Variants in PARVB observed in about 807,000 individuals in gnomAD.
PARVB encodes the protein parvin beta.
PARVB carries 46 observed loss-of-function variants against 47.0 expected under a neutral mutation model. The observed-to-expected ratio is 0.98, with a 90% CI of 0.77 to 1.25. The LOEUF is 1.25. Ranked by LOEUF, PARVB falls within the 50% of genes most tolerant of loss-of-function variation. PARVB has a pLI of 0.00. For synonymous variants in PARVB, 196 were observed against 196.3 expected (o/e 1.00, Z 0.01); for missense variants, 473 against 471.6 (o/e 1.00, Z -0.03).
intron 3 of PARVB, chr22:44,114,892 A>G (rs1203750116): frequency 1.6e-5 from 2 of 126,448 alleles, no homozygotes; most frequent in African/African-American, 6.8e-5. Flanking sequence ...ACACAGATAC[A>G]TTGTTACTAA....
chr22:44,075,610 C>G (rs1174662289), intron 1 of PARVB, among the ~76,000 whole-genome samples: 1 of 152,202 alleles, frequency 6.6e-6, no homozygotes, highest in African/African-American at 2.4e-5. Context: ...CCCTGTCTCC[C>G]TCTCACTCCT....
intron 1 of PARVB, among the ~76,000 whole-genome samples, chr22:44,043,293 A>C (rs2146921865): frequency 6.6e-6 from 1 of 152,340 alleles, no homozygotes; most frequent in South Asian, 2.1e-4. Context: ...TTTGGGGGTG[A>C]CGAAAATGTT....
chr22:44,029,682 G>A (rs981880102), intron 1 of PARVB, among the ~76,000 whole-genome samples: 3 of 151,666 alleles, frequency 2.0e-5, no homozygotes, highest in Non-Finnish European at 4.4e-5. Context: ...AGGCTGAAGC[G>A]GCAGATCACC....
At chr22:44,080,184 T>C (rs130318) in intron 1 of PARVB, among the ~76,000 whole-genome samples, 95,248 of 152,150 alleles carry the variant, frequency 0.63, 30,950 homozygotes, top group African/African-American at 0.81. Flanking sequence ...TGTTCCAGGC[T>C]TTTTGAAATT....
intron 12 of PARVB, among the ~76,000 whole-genome samples, chr22:44,167,032 G>A (rs2054182997): frequency 6.6e-6 from 1 of 152,178 alleles, no homozygotes; most frequent in Non-Finnish European, 1.5e-5. Context: ...CCCGGAGGAA[G>A]CAGAGCAGTC....
chr22:43,999,248 C>A, exon 1 of PARVB: 1 of 1,010,092 alleles, frequency 9.9e-7, no homozygotes, highest in Non-Finnish European at 1.4e-6. Flanking sequence ...CCATCTCCGG[C>A]AGCTCCTTAA....
intron 3 of PARVB, chr22:44,110,393 T>A (rs1469344046): frequency 6.6e-6 from 1 of 152,096 alleles, no homozygotes; most frequent in African/African-American, 2.4e-5. Context: ...ATCAGTTGAC[T>A]GTGACTTGAG....
intron 1 of PARVB, among the ~76,000 whole-genome samples, chr22:44,029,259 A>G (rs1424548079): frequency 6.6e-6 from 1 of 152,184 alleles, no homozygotes; most frequent in Non-Finnish European, 1.5e-5. Context: ...TGCTAGGATT[A>G]CATGCGTGAG....
intron 2 of PARVB, among the ~76,000 whole-genome samples, chr22:44,098,148 A>G (rs1569110934): frequency 6.6e-6 from 1 of 152,110 alleles, no homozygotes; most frequent in East Asian, 1.9e-4. Context: ...GTGTGGGTTG[A>G]AGGGGATGTT....
rs576555804 is a variant in PARVB, at chr22:44,094,915, T to G, written c.202+898T>G. Among the ~76,000 whole-genome samples, 3 of 151,546 alleles carry G rather than the reference T, an allele frequency of 2.0e-5. No homozygotes were observed. In the South Asian group the frequency reaches 6.2e-4, roughly 31 times the overall value. On this transcript the variant is annotated intron_variant, in intron 2 of 12. Coordinates refer to ENST00000338758, the MANE Select transcript of PARVB (RefSeq NM_013327.5). ...CAGGAGCTGTCCTGAGTCTTCTCAGTAAGAAGACTCTTCTTCTTCCACACC... is the reference window on the plus strand; with the variant it reads ...CAGGAGCTGTCCTGAGTCTTCTCAGGAAGAAGACTCTTCTTCTTCCACACC...
At chr22:44,060,221 C>G (rs556034868) in intron 1 of PARVB, among the ~76,000 whole-genome samples, 67 of 152,124 alleles carry the variant, frequency 4.4e-4, no homozygotes, top group African/African-American at 1.5e-3. Flanking sequence ...GAGGCTGAGG[C>G]AGGAGAATCA....
chr22:44,094,940 CACGTG>C (rs2052264263), intron 2 of PARVB, among the ~76,000 whole-genome samples: 1 of 151,384 alleles, frequency 6.6e-6, no homozygotes, highest in Non-Finnish European at 1.5e-5. Flanking sequence ...TCTTCCACAC[CACGTG>C]GCGTGGCGTG....
intron 1 of PARVB, among the ~76,000 whole-genome samples, chr22:44,061,625 C>CT (rs553425279): frequency 3.4e-5 from 5 of 148,458 alleles, no homozygotes; most frequent in East Asian, 2.0e-4. Flanking sequence ...AACTCAGATT[C>CT]TTTTTTTTTT....
chr22:44,155,245 G>T lies in PARVB; in HGVS notation c.844-2737G>T, dbSNP rs757318094. 6.6e-6 allele frequency among the ~76,000 whole-genome samples: 1 copy of T among 152,154 alleles called. No individual in the cohort carries two copies. The highest frequency in any genetic ancestry group is 1.5e-5 in the Non-Finnish European group (1 of 68,028). On this transcript the variant is annotated intron_variant, in intron 10 of 12. Coordinates refer to ENST00000338758, the MANE Select transcript of PARVB (RefSeq NM_013327.5). The surrounding 1 kb of genome is among the most constrained non-coding windows in gnomAD (Gnocchi z 4.8). ...CAGTGTGAGGACTGGGTGAGATGGC[G>T]CACTGAGATCAAGTGGGCAGGGCTC... is the stretch of plus-strand genomic sequence containing the variant.
intron 1 of PARVB, among the ~76,000 whole-genome samples, chr22:44,044,510 G>A (rs2051080047): frequency 6.7e-6 from 1 of 150,168 alleles, no homozygotes; most frequent in South Asian, 2.1e-4. Context: ...TTTTGAGATG[G>A]AATCTCGCTC....
chr22:44,057,927 G>A (rs2051345898), intron 1 of PARVB, among the ~76,000 whole-genome samples: 1 of 151,956 alleles, frequency 6.6e-6, no homozygotes, highest in Non-Finnish European at 1.5e-5. Flanking sequence ...TTTGAGAGGG[G>A]TGGGGCTGAG....
intron 1 of PARVB, among the ~76,000 whole-genome samples, chr22:44,044,028 AT>A (rs1459830173): frequency 6.6e-6 from 1 of 152,136 alleles, no homozygotes; most frequent in East Asian, 1.9e-4. Flanking sequence ...TGAGATAGGT[AT>A]GATAATATGT....
Position 44,125,783 on chromosome 22 carries a change from A to C in PARVB, c.377-5704A>C, listed in dbSNP as rs922625114. Among the ~76,000 whole-genome samples, 2 of 152,190 alleles carry C rather than the reference A, an allele frequency of 1.3e-5. No homozygotes were observed. The highest frequency in any genetic ancestry group is 4.1e-4 in the South Asian group (2 of 4,830). On this transcript the variant is annotated intron_variant, in intron 4 of 12. Transcript: ENST00000338758. The surrounding 1 kb of genome is among the most constrained non-coding windows in gnomAD (Gnocchi z 4.1). ...GACGTGGATTGGGTTAGAGTTTAAA[A>C]GGTCACTTAGGCTTCTGGGTGCAGG...
At chr22:44,002,541 G>A (rs925905757) in intron 2 of PARVB, among the ~76,000 whole-genome samples, 5 of 152,150 alleles carry the variant, frequency 3.3e-5, no homozygotes, top group Non-Finnish European at 5.9e-5. Context: ...GGGCAGAGGC[G>A]GGTGCGTGGT....
Sources: gnomAD v4.1 joint callset for allele counts (sites outside exome capture counted in the v4.1 genomes callset) on GRCh38, gnomAD v4.1.1 for gene constraint, Gnocchi (gnomAD v3.1) non-coding constraint, MANE v1.5 for transcripts, NCBI Gene and HGNC (gene_info 2026-07-23, HGNC 2026-07-21) for gene names.